OSBP2: variants seen among roughly 807,000 people sequenced by gnomAD.
The protein encoded by OSBP2 is oxysterol binding protein 2.
In OSBP2, 66 loss-of-function variants were observed where a neutral mutation model predicts 96.0. The ratio of observed to expected loss-of-function variants is 0.69; its 90% CI spans 0.56 to 0.84. OSBP2 has a LOEUF of 0.84. Among genes scored for constraint, OSBP2 ranks in the 40% least tolerant of loss-of-function variants. The pLI is 0.00. For missense variants in OSBP2, 1,038 were observed against 1,222.7 expected, an observed-to-expected ratio of 0.85 and a Z score of 2.25; for synonymous variants, 525 against 520.9, an observed-to-expected ratio of 1.01 and a Z score of -0.11.
At chr22:30,898,883 AT>A (rs1164472458) in intron 12 of OSBP2, among the ~76,000 whole-genome samples, 10 of 149,366 alleles carry the variant, frequency 6.7e-5, no homozygotes, top group Admixed American at 2.0e-4. Context: ...AATAATAATA[AT>A]AATAAAAGCA....
At chr22:30,721,894 T>C (rs558319437) in intron 1 of OSBP2, among the ~76,000 whole-genome samples, 1 of 152,116 alleles carries the variant, frequency 6.6e-6, no homozygotes, top group African/African-American at 2.4e-5. Context: ...CTTAGTGTAG[T>C]ATTTTGGTAG....
chr22:30,714,259 A>G (rs905978973), intron 1 of OSBP2, among the ~76,000 whole-genome samples: 1 of 152,216 alleles, frequency 6.6e-6, no homozygotes, highest in Admixed American at 6.5e-5. Flanking sequence ...TAATGGCTGA[A>G]TAGTATTCCA....
chr22:30,885,403 C>T (rs1471386777), intron 3 of OSBP2, among the ~76,000 whole-genome samples: 1 of 152,240 alleles, frequency 6.6e-6, no homozygotes, highest in East Asian at 1.9e-4. Context: ...CCATCCTCTC[C>T]ACTGTAATGA....
intron 2 of OSBP2, among the ~76,000 whole-genome samples, chr22:30,845,464 G>C (rs2038848782): frequency 6.6e-6 from 1 of 151,864 alleles, no homozygotes; most frequent in African/African-American, 2.4e-5. Flanking sequence ...TTGTTATATT[G>C]TAAGAATTAC....
chr22:30,849,752 G>A (rs1256164184), intron 2 of OSBP2, among the ~76,000 whole-genome samples: 1 of 152,078 alleles, frequency 6.6e-6, no homozygotes, highest in Non-Finnish European at 1.5e-5. Context: ...CTTATCAGAT[G>A]TTTCTATTAT....
intron 1 of OSBP2, among the ~76,000 whole-genome samples, chr22:30,701,561 T>C (rs1452165075): frequency 4.6e-5 from 7 of 152,108 alleles, no homozygotes; most frequent in Admixed American, 2.6e-4. Context: ...GCCAGGATGG[T>C]CTCGATCTCC....
At chr22:30,765,313 G>A (rs963708587) in intron 2 of OSBP2, among the ~76,000 whole-genome samples, 2 of 152,066 alleles carry the variant, frequency 1.3e-5, no homozygotes, top group Non-Finnish European at 2.9e-5. Context: ...GGGTTCAGAC[G>A]ATTCTCCTGC....
intron 2 of OSBP2, among the ~76,000 whole-genome samples, chr22:30,749,797 G>A (rs1345967070): frequency 8.6e-5 from 13 of 152,044 alleles, no homozygotes; most frequent in Admixed American, 5.9e-4. Context: ...TAGTAGAGAC[G>A]AGGTTTTGCC....
chr22:30,905,813 C>G, intron 12 of OSBP2, 24 bp from the exon 13 acceptor site: 1 of 1,609,952 alleles, frequency 6.2e-7, no homozygotes. Flanking sequence ...GCAGCCACCG[C>G]CACCGCCACC....
intron 3 of OSBP2, among the ~76,000 whole-genome samples, chr22:30,879,979 G>A (rs1443589514): frequency 3.3e-5 from 5 of 152,080 alleles, no homozygotes; most frequent in African/African-American, 1.2e-4. Flanking sequence ...TTGAGCCTGG[G>A]AGGCAGAGGT....
chr22:30,719,433 G>C (rs1220469350), intron 1 of OSBP2, among the ~76,000 whole-genome samples: 3 of 151,948 alleles, frequency 2.0e-5, no homozygotes, highest in Non-Finnish European at 4.4e-5. Context: ...CTGGTGTGGT[G>C]GCAGAAGAAT....
upstream of OSBP2, chr22:30,694,457 G>A (rs1247016212): frequency 1.5e-6 from 2 of 1,351,916 alleles, no homozygotes; most frequent in South Asian, 1.5e-5. Context: ...GGCTTTCCTG[G>A]GTGGCGGAGA....
chr22:30,797,074 C>T (rs1176048202), intron 2 of OSBP2, among the ~76,000 whole-genome samples: 5 of 152,128 alleles, frequency 3.3e-5, no homozygotes, highest in Admixed American at 3.3e-4. Context: ...TTCTAGGTAC[C>T]TCATATAAGT....
intron 2 of OSBP2, among the ~76,000 whole-genome samples, chr22:30,858,551 T>C (rs2039134725): frequency 6.6e-6 from 1 of 151,764 alleles, no homozygotes; most frequent in African/African-American, 2.4e-5. Flanking sequence ...ATCCTCTTCA[T>C]GGCAAATACC....
intron 2 of OSBP2, among the ~76,000 whole-genome samples, chr22:30,753,634 C>T (rs566018357): frequency 6.6e-6 from 1 of 152,086 alleles, no homozygotes; most frequent in East Asian, 1.9e-4. Flanking sequence ...CACTCCAGGC[C>T]AAACCGTCTT....
intron 2 of OSBP2, among the ~76,000 whole-genome samples, chr22:30,844,212 G>A (rs2038820453): frequency 6.6e-6 from 1 of 152,154 alleles, no homozygotes; most frequent in Non-Finnish European, 1.5e-5. Context: ...AGGGTCTTTG[G>A]AATGGTAAAT....
chr22:30,779,560 G>A (rs1482351645), intron 2 of OSBP2, among the ~76,000 whole-genome samples: 2 of 151,988 alleles, frequency 1.3e-5, no homozygotes, highest in East Asian at 3.9e-4. Context: ...GGTCCTGGGC[G>A]GTATGGTCAC....
intron 1 of OSBP2, among the ~76,000 whole-genome samples, chr22:30,711,739 C>G (rs947780727): frequency 2.2e-5 from 2 of 91,848 alleles, no homozygotes; most frequent in Admixed American, 2.3e-4. Flanking sequence ...GACCCTATCT[C>G]AAAAAAAAAA....
At chr22:30,694,628 CTTCGGAGTTGACCGACCACCAAGCTCT>C (rs2088984695), upstream of OSBP2, among the ~76,000 whole-genome samples, 1 of 151,420 alleles carries the variant, frequency 6.6e-6, no homozygotes, top group African/African-American at 2.4e-5. Flanking sequence ...GCGCCATCCC[CTTCGGAGTTGACCGACCACCAAGCTCT>C]TCCGCCCACA....
Sources: allele counts gnomAD v4.1 joint callset (sites outside exome capture counted in the v4.1 genomes callset), GRCh38; gene constraint gnomAD v4.1.1; transcripts MANE v1.5; gene names NCBI Gene and HGNC (gene_info 2026-07-23, HGNC 2026-07-21).